The following SAG variants were observed in gnomAD, a reference collection of about 807,000 sequenced individuals.
The protein encoded by SAG is S-antigen visual arrestin, also known as S-arrestin.
Under a neutral mutation model 55.0 loss-of-function variants are expected in SAG, and 45 were observed. The ratio of observed to expected loss-of-function variants is 0.82; its 90% CI spans 0.64 to 1.05. The LOEUF is 1.05. SAG is among the 50% of genes least tolerant of loss of function. SAG has a pLI of 0.00. For missense variants in SAG, 455 were observed against 512.1 expected (o/e 0.89, Z 1.08); for synonymous variants, 189 against 197.4 (o/e 0.96, Z 0.36).
In SAG at chr2:233,340,729, T is replaced by C. The variant is rs1016896552; in HGVS notation, c.1046+251T>C. Among the ~76,000 whole-genome samples the C allele has an allele frequency of 4.0e-5, 6 of 151,082 alleles. No homozygotes were observed. The East Asian group carries it at 1.2e-3, about 29-fold the overall frequency. On this transcript the variant is annotated intron_variant, in intron 13 of 15. Coordinates refer to ENST00000409110, the MANE Select transcript of SAG (RefSeq NM_000541.5). This position sits in a 1 kb window ranked among gnomAD's most constrained non-coding sequence, Gnocchi z 4.2. ...ACACACACATACACACCCAGAAAAC[T>C]GGCACACTCCATGCAGCCAGCTTGT...
chr2:233,329,634 T>C, intron 9 of SAG, 57 bp downstream of exon 9: 2 of 1,221,392 alleles, frequency 1.6e-6, no homozygotes, highest in Non-Finnish European at 2.4e-6. Flanking sequence ...CTGATCCTGT[T>C]TCCTGAGAGG....
At chr2:233,313,998 T>C (rs1265387813) in intron 2 of SAG, among the ~76,000 whole-genome samples, 2 of 151,728 alleles carry the variant, frequency 1.3e-5, no homozygotes, top group African/African-American at 2.4e-5. Flanking sequence ...GGTGGGTGGA[T>C]TGCTTGAGCC....
intron 2 of SAG, among the ~76,000 whole-genome samples, chr2:233,310,506 CTTTT>C (rs967605903): frequency 1.8e-3 from 203 of 115,386 alleles, no homozygotes; most frequent in Non-Finnish European, 2.6e-3. Context: ...ATCATTCTGG[CTTTT>C]TTTTTTTTTT....
At chr2:233,337,175 C>G (rs1700961534) in intron 11 of SAG, among the ~76,000 whole-genome samples, 1 of 151,506 alleles carries the variant, frequency 6.6e-6, no homozygotes, top group South Asian at 2.1e-4. Context: ...GGTATCCTCT[C>G]TTCACCAGGT....
At chr2:233,346,520 C>T (rs781303337) in intron 15 of SAG, 108 bp downstream of exon 15, 242 of 1,245,920 alleles carry the variant, frequency 1.9e-4, no homozygotes, top group Non-Finnish European at 2.6e-4. Flanking sequence ...GCTCTCCTGC[C>T]GGCTCAGGAG....
chr2:233,316,964 C>T (rs147757303), intron 3 of SAG, among the ~76,000 whole-genome samples: 9 of 152,250 alleles, frequency 5.9e-5, no homozygotes, highest in East Asian at 1.9e-4. Context: ...TGGGCCCAAG[C>T]GATCCTCCGA....
At position 233,338,759 on chromosome 2, in the gene SAG, T is replaced by G; in HGVS notation, c.1022+6T>G. 1 of 1,613,340 alleles carries G rather than the reference T, an allele frequency of 6.2e-7. No individual in the cohort carries two copies. Among genetic ancestry groups the G allele is most frequent in the Non-Finnish European group, 8.5e-7 (1 of 1,179,298 alleles). On this transcript the variant is annotated splice_donor_region_variant and intron_variant, in intron 12 of 15. Transcript: ENST00000409110. ...GTGAAGCTCACAGTGTCAGGGTAAG[T>G]GTCCCGGCACCAACCCTCGGGCTGC...
Position 233,329,556 on chromosome 2 carries a change from G to A in SAG, c.712G>A (p.Val238Met), listed in dbSNP as rs1214608312. 1.4e-5 allele frequency: 22 copies of A among 1,611,460 alleles called. No homozygotes were observed. Among genetic ancestry groups the A allele is most frequent in the Admixed American group, 3.3e-5 (2 of 59,994 alleles). ...VTVTNNTEKT[V>M]KKIKAFVEQV... is the part of the protein sequence containing the mutation. ...TGTCACCAATAACACAGAGAAGACC[G>A]TGAAGAAGATTAAAGCATTCGGTAG... Residue 238 changes from valine to methionine, a missense_variant, in exon 9 of 16, where the codon GTG becomes ATG. Transcript: ENST00000409110.
chr2:233,310,446 C>T (rs1700046905), intron 2 of SAG, among the ~76,000 whole-genome samples: 1 of 151,258 alleles, frequency 6.6e-6, no homozygotes, highest in African/African-American at 2.4e-5. Context: ...TTTCAGGTGT[C>T]CGGGAGCCAC....
chr2:233,320,773 G>A lies in SAG; in HGVS notation c.325G>A (p.Glu109Lys), dbSNP rs772655861. The A allele has an allele frequency of 7.5e-6, 12 of 1,606,574 alleles. No homozygotes were observed. Among genetic ancestry groups the A allele is most frequent in the Non-Finnish European group, 1.0e-5 (12 of 1,176,638 alleles). The change falls in exon 5 of 16, where the codon GAG (glutamate) becomes AAG (lysine). Residue 109 changes from glutamate to lysine, a missense_variant. Transcript: ENST00000409110. ...GAASTPTKLQESLLKKLGSNT... is the reference protein window; with the variant it reads ...GAASTPTKLQKSLLKKLGSNT... ...CGCGAGCACCCCCACAAAACTGCAA[G>A]AGAGCCTGCTTAAAAAGCTGGGGAG...
intron 11 of SAG, among the ~76,000 whole-genome samples, chr2:233,336,023 G>A (rs1700915152): frequency 6.6e-6 from 1 of 152,256 alleles, no homozygotes; most frequent in Admixed American, 6.5e-5. Context: ...GCAGGTGGAA[G>A]TCAAAGGATT....
intron 2 of SAG, among the ~76,000 whole-genome samples, chr2:233,315,717 T>C (rs1408374930): frequency 1.3e-5 from 2 of 151,442 alleles, no homozygotes; most frequent in East Asian, 3.9e-4. Flanking sequence ...TTTTTTTTTT[T>C]TTTGAGACGG....
In SAG at chr2:233,346,462, C is replaced by T. The variant is rs2125356657; in HGVS notation, c.1112+50C>T. On this transcript the variant is annotated intron_variant, in intron 15 of 15. Coordinates refer to ENST00000409110, the MANE Select transcript of SAG (RefSeq NM_000541.5). ...CCTGATTTGTCCTATGCTCTGGGAC[C>T]TTCTCCTCCAGCACAAAACCCTCTT... 2.5e-6 allele frequency: 4 copies of T among 1,592,120 alleles called. No individual in the cohort carries two copies. In the Middle Eastern group the frequency reaches 5.0e-4, roughly 198 times the overall value.
At chr2:233,337,332 A>G (rs1041333124) in intron 11 of SAG, among the ~76,000 whole-genome samples, 1 of 152,010 alleles carries the variant, frequency 6.6e-6, no homozygotes, top group Non-Finnish European at 1.5e-5. Flanking sequence ...TCCACCTCCC[A>G]AGTTCAAGGG....
intron 11 of SAG, among the ~76,000 whole-genome samples, chr2:233,336,244 A>C (rs1308618253): frequency 2.0e-5 from 3 of 152,132 alleles, no homozygotes; most frequent in Non-Finnish European, 4.4e-5. Flanking sequence ...GCCGGCCATG[A>C]TGGCTCACAC....
chr2:233,331,793 G>C, intron 10 of SAG, 81 bp downstream of exon 10: 1 of 982,584 alleles, frequency 1.0e-6, no homozygotes, highest in Non-Finnish European at 1.6e-6. Flanking sequence ...GCTGAAGAAG[G>C]AACTAGAATG....
At chr2:233,334,859 T>C in intron 10 of SAG, 103 bp from the exon 11 acceptor site, 1 of 1,398,958 alleles carries the variant, frequency 7.1e-7, no homozygotes, top group Non-Finnish European at 1.0e-6. Context: ...AGGAGGTCCA[T>C]CAGGGGATGT....
intron 2 of SAG, 110 bp downstream of exon 2, chr2:233,309,374 G>A: frequency 3.1e-6 from 3 of 978,678 alleles, no homozygotes; most frequent in Non-Finnish European, 4.7e-6. Context: ...TGAGGGCCAG[G>A]GCGCGGTGGC....
Position 233,329,725 on chromosome 2 carries a change from G to A in SAG, c.733+148G>A, listed in dbSNP as rs534860903. On this transcript the variant is annotated intron_variant, in intron 9 of 15. Coordinates refer to ENST00000409110, the MANE Select transcript of SAG (RefSeq NM_000541.5). ...CTGCTGTCATAGGCAGCAGGACTGC[G>A]GAGGGAGAAAGGCCTTACAAGTTAT... The A allele has an allele frequency of 3.0e-4, 188 of 623,214 alleles. 1 individual carries two copies. In the East Asian group the frequency reaches 5.0e-3, roughly 16 times the overall value. 38.6% of individuals were successfully genotyped at this position (623,214 alleles called of 1,614,324 possible).
Sources: gnomAD v4.1 joint callset for allele counts (sites outside exome capture counted in the v4.1 genomes callset) on GRCh38, gnomAD v4.1.1 for gene constraint, Gnocchi (gnomAD v3.1) non-coding constraint, MANE v1.5 for transcripts, NCBI Gene and HGNC (gene_info 2026-07-23, HGNC 2026-07-21) for gene names.